The following CFAP70 variants were observed in gnomAD, a reference collection of about 807,000 sequenced individuals.
CFAP70 encodes the protein cilia- and flagella-associated protein 70.
In CFAP70, 81 loss-of-function variants were observed where a neutral mutation model predicts 137.6. That is an observed-to-expected ratio of 0.59 (90% confidence interval 0.49 to 0.71). The LOEUF is 0.71. Ranked by LOEUF, CFAP70 falls within the 30% of genes least tolerant of loss-of-function variation. The pLI is 0.00. For synonymous variants in CFAP70, 382 were observed against 423.6 expected, an observed-to-expected ratio of 0.90 and a Z score of 1.20; for missense variants, 976 against 1,226.7, an observed-to-expected ratio of 0.80 and a Z score of 3.05.
intron 2 of CFAP70, among the ~76,000 whole-genome samples, chr10:73,354,459 G>C (rs190669758): frequency 2.6e-5 from 4 of 152,018 alleles, no homozygotes; most frequent in African/African-American, 4.8e-5. Flanking sequence ...TCCTTCTCAG[G>C]AGAAAGGGAA....
intron 12 of CFAP70, among the ~76,000 whole-genome samples, chr10:73,302,116 A>G (rs2048997382): frequency 6.6e-6 from 1 of 152,114 alleles, no homozygotes; most frequent in Non-Finnish European, 1.5e-5. Context: ...AGTATGTGAG[A>G]ATTAGGAGAG....
chr10:73,277,179 G>A (rs1041809009), intron 21 of CFAP70, 61 bp downstream of exon 22: 116 of 1,539,144 alleles, frequency 7.5e-5, no homozygotes, highest in Non-Finnish European at 9.4e-5. Context: ...TACCATTATG[G>A]ATAGAATAAA....
intron 9 of CFAP70, among the ~76,000 whole-genome samples, chr10:73,316,475 T>G (rs111290178): frequency 0.02 from 2,293 of 116,326 alleles, 26 homozygotes; most frequent in South Asian, 0.031. Context: ...TATATATATA[T>G]ATATAGATAT....
chr10:73,342,496 T>C (rs1375243534), intron 5 of CFAP70, among the ~76,000 whole-genome samples: 1 of 152,120 alleles, frequency 6.6e-6, no homozygotes, highest in African/African-American at 2.4e-5. Context: ...TAATCTATGA[T>C]TGTGCCACTG....
intron 5 of CFAP70, among the ~76,000 whole-genome samples, 166 bp from the exon 7 acceptor site, chr10:73,341,747 C>T (rs558872853): frequency 1.2e-4 from 19 of 152,322 alleles, no homozygotes; most frequent in Admixed American, 2.0e-4. Context: ...TCCCTTTGTG[C>T]TATTTTACAA....
chr10:73,268,692 TC>T (rs200595180), intron 25 of CFAP70, among the ~76,000 whole-genome samples: 15,755 of 143,376 alleles, frequency 0.11, 1,164 homozygotes, highest in East Asian at 0.42. Context: ...TTGTTTTTCT[TC>T]TTTTTTTTCT....
intron 9 of CFAP70, among the ~76,000 whole-genome samples, chr10:73,318,800 A>G (rs924801638): frequency 6.6e-6 from 1 of 152,252 alleles, no homozygotes; most frequent in Admixed American, 6.5e-5. Flanking sequence ...AGGTTTGGAT[A>G]CATTTCCAAT....
intron 12 of CFAP70, among the ~76,000 whole-genome samples, chr10:73,301,560 A>G (rs926555349): frequency 5.3e-5 from 8 of 152,206 alleles, no homozygotes; most frequent in African/African-American, 1.9e-4. Context: ...ATAGAGAAAA[A>G]AAGTAGATAA....
intron 9 of CFAP70, 67 bp downstream of exon 10, chr10:73,322,896 A>C: frequency 7.1e-7 from 1 of 1,401,242 alleles, no homozygotes; most frequent in Non-Finnish European, 9.6e-7. Context: ...GTATATGCTA[A>C]AGATGTAAGT....
At chr10:73,299,760 G>T (rs927965360) in intron 12 of CFAP70, 95 bp from the exon 14 acceptor site, 7 of 972,186 alleles carry the variant, frequency 7.2e-6, no homozygotes, top group East Asian at 3.0e-5. Flanking sequence ...GTGTCTGGGT[G>T]GGGGAGATCT....
intron 8 of CFAP70, 69 bp downstream of exon 9, chr10:73,331,108 G>T: frequency 9.2e-7 from 1 of 1,084,652 alleles, no homozygotes. Context: ...TATCAGAATT[G>T]AAGCAGAATA....
chr10:73,315,245 T>C (rs1358550529), intron 9 of CFAP70, among the ~76,000 whole-genome samples: 1 of 151,414 alleles, frequency 6.6e-6, no homozygotes, highest in Non-Finnish European at 1.5e-5. Context: ...AACAGCTTTA[T>C]TGAGATATTC....
intron 19 of CFAP70, among the ~76,000 whole-genome samples, chr10:73,285,748 C>T (rs1277062899): frequency 6.6e-6 from 1 of 151,440 alleles, no homozygotes; most frequent in Non-Finnish European, 1.5e-5. Context: ...AATTCTCCTG[C>T]CTCAGGCTGC....
intron 12 of CFAP70, among the ~76,000 whole-genome samples, chr10:73,304,204 C>A (rs1000461523): frequency 3.9e-5 from 6 of 152,108 alleles, no homozygotes; most frequent in Admixed American, 3.9e-4. Context: ...CAGGCACCCA[C>A]CATCACGCCC....
At chr10:73,311,971 C>T in intron 10 of CFAP70, 57 bp from the exon 12 acceptor site, 4 of 1,308,500 alleles carry the variant, frequency 3.1e-6, no homozygotes, top group Non-Finnish European at 4.4e-6. Context: ...TTCATAGTGA[C>T]AAGAACAATG....
intron 12 of CFAP70, among the ~76,000 whole-genome samples, chr10:73,301,467 A>C (rs946056791): frequency 6.6e-6 from 1 of 152,250 alleles, no homozygotes; most frequent in African/African-American, 2.4e-5. Context: ...TATATGCCAC[A>C]ATATGAATAA....
intron 12 of CFAP70, among the ~76,000 whole-genome samples, chr10:73,308,927 A>G (rs977990273): frequency 6.6e-6 from 1 of 152,112 alleles, no homozygotes; most frequent in Admixed American, 6.6e-5. Context: ...ACACTAAAGA[A>G]GAAGAAAACT....
chr10:73,345,757 A>T (rs1426004247), intron 4 of CFAP70, among the ~76,000 whole-genome samples: 1 of 152,010 alleles, frequency 6.6e-6, no homozygotes, highest in East Asian at 1.9e-4. Context: ...AGATTGTGCC[A>T]TTGCACTCTA....
chr10:73,340,786 A>G (rs1589556188), intron 6 of CFAP70, among the ~76,000 whole-genome samples: 1 of 152,222 alleles, frequency 6.6e-6, no homozygotes, highest in East Asian at 1.9e-4. Flanking sequence ...CTTTGCTCCA[A>G]AATTGGAGCA....
Sources: allele counts gnomAD v4.1 joint callset (sites outside exome capture counted in the v4.1 genomes callset), GRCh38; gene constraint gnomAD v4.1.1; transcripts MANE v1.5; gene names NCBI Gene and HGNC (gene_info 2026-07-23, HGNC 2026-07-21).